SIPA1L1: variants seen among roughly 807,000 people sequenced by gnomAD.
SIPA1L1 encodes signal induced proliferation associated 1 like 1, also known as signal-induced proliferation-associated 1-like protein 1.
Under a neutral mutation model 162.7 loss-of-function variants are expected in SIPA1L1, and 26 were observed. That is an observed-to-expected ratio of 0.16 (90% CI 0.12 to 0.22). The LOEUF (loss-of-function observed/expected upper bound fraction) is 0.22, where lower values mean the gene tolerates loss of function less well. SIPA1L1 is among the 10% of genes least tolerant of loss of function. SIPA1L1 has a pLI of 1.00. For missense variants in SIPA1L1, 1,874 were observed against 2,241.0 expected (o/e 0.84, Z 3.31); for synonymous variants, 829 against 837.4 (o/e 0.99, Z 0.17).
intron 2 of SIPA1L1, among the ~76,000 whole-genome samples, chr14:71,325,191 A>C (rs2033647771): frequency 6.6e-6 from 1 of 152,090 alleles, no homozygotes; most frequent in Non-Finnish European, 1.5e-5. Context: ...CTGCACTTCT[A>C]CTTTTTTGGT....
intron 2 of SIPA1L1, among the ~76,000 whole-genome samples, chr14:71,393,622 AC>A (rs538920143): frequency 6.1e-4 from 93 of 152,260 alleles, no homozygotes; most frequent in Middle Eastern, 3.4e-3. Context: ...AGCTTGGGCA[AC>A]ATAGCAAAAC....
chr14:71,510,464 A>C (rs1257115624), intron 2 of SIPA1L1, among the ~76,000 whole-genome samples: 2 of 152,166 alleles, frequency 1.3e-5, no homozygotes, highest in Non-Finnish European at 2.9e-5. Context: ...CTGGGATTAC[A>C]GGTGCGAGCC....
intron 2 of SIPA1L1, among the ~76,000 whole-genome samples, chr14:71,399,501 C>T (rs753407116): frequency 1.4e-4 from 22 of 151,964 alleles, no homozygotes; most frequent in Non-Finnish European, 2.2e-4. Flanking sequence ...AACCCCTGGG[C>T]TTAAGCAATC....
chr14:71,455,536 C>G (rs570620574), intron 2 of SIPA1L1, among the ~76,000 whole-genome samples: 1 of 152,124 alleles, frequency 6.6e-6, no homozygotes, highest in African/African-American at 2.4e-5. Flanking sequence ...AGGTTATGGT[C>G]TTTTGGTAAT....
intron 2 of SIPA1L1, among the ~76,000 whole-genome samples, chr14:71,359,534 G>T (rs574072197): frequency 9.3e-4 from 141 of 152,160 alleles, no homozygotes; most frequent in African/African-American, 3.2e-3. Context: ...ATATCCCCAG[G>T]ATGAAAAATA....
At chr14:71,402,065 C>T (rs933009865) in intron 2 of SIPA1L1, among the ~76,000 whole-genome samples, 2 of 151,802 alleles carry the variant, frequency 1.3e-5, no homozygotes, top group African/African-American at 2.4e-5. Flanking sequence ...CTGCATGTCC[C>T]GTTATTAAGT....
chr14:71,559,100 T>A (rs1008588149), intron 4 of SIPA1L1, among the ~76,000 whole-genome samples: 34 of 150,638 alleles, frequency 2.3e-4, no homozygotes, highest in Non-Finnish European at 4.4e-5. Flanking sequence ...GGAGTCACAC[T>A]CTTATCTCCC....
chr14:71,428,357 C>G (rs1038870986), intron 2 of SIPA1L1, among the ~76,000 whole-genome samples: 2 of 151,512 alleles, frequency 1.3e-5, no homozygotes, highest in African/African-American at 4.9e-5. Flanking sequence ...CTCCCCCTTC[C>G]TTATGATTTG....
intron 12 of SIPA1L1, among the ~76,000 whole-genome samples, chr14:71,683,814 A>G (rs866775599): frequency 6.6e-6 from 1 of 152,254 alleles, no homozygotes; most frequent in Admixed American, 6.5e-5. Context: ...ACTGCAGACC[A>G]TAACTCTCAA....
intron 2 of SIPA1L1, among the ~76,000 whole-genome samples, chr14:71,381,628 T>G (rs1231838899): frequency 6.6e-6 from 1 of 152,202 alleles, no homozygotes; most frequent in East Asian, 1.9e-4. Flanking sequence ...GAATTCCCTT[T>G]CCTTATGATC....
intron 4 of SIPA1L1, among the ~76,000 whole-genome samples, chr14:71,585,289 G>A (rs777666158): frequency 7.2e-5 from 11 of 152,010 alleles, no homozygotes; most frequent in East Asian, 1.9e-4. Context: ...CCATTAAAAC[G>A]TGGCTTCTCT....
intron 4 of SIPA1L1, among the ~76,000 whole-genome samples, chr14:71,555,659 A>G (rs1336489388): frequency 6.6e-6 from 1 of 152,134 alleles, no homozygotes; most frequent in Admixed American, 6.6e-5. Flanking sequence ...TGTCTTCCTC[A>G]CTAAGCTTAA....
intron 10 of SIPA1L1, among the ~76,000 whole-genome samples, chr14:71,669,777 A>G (rs1446378626): frequency 6.6e-6 from 1 of 152,208 alleles, no homozygotes; most frequent in Admixed American, 6.5e-5. Flanking sequence ...TTAAAAATAC[A>G]CTTGTAAAAC....
At chr14:71,434,505 G>A (rs1468434970) in intron 2 of SIPA1L1, among the ~76,000 whole-genome samples, 2 of 152,180 alleles carry the variant, frequency 1.3e-5, no homozygotes, top group Non-Finnish European at 2.9e-5. Context: ...GATTTCACCT[G>A]TTTTTCTGTT....
intron 4 of SIPA1L1, among the ~76,000 whole-genome samples, chr14:71,553,835 A>G (rs938391773): frequency 2.6e-5 from 4 of 152,130 alleles, no homozygotes; most frequent in African/African-American, 9.7e-5. Flanking sequence ...TGATTGATTC[A>G]TTGAATAAAT....
chr14:71,526,736 A>T (rs1038087492), intron 3 of SIPA1L1, among the ~76,000 whole-genome samples: 2 of 152,204 alleles, frequency 1.3e-5, no homozygotes, highest in African/African-American at 4.8e-5. Flanking sequence ...GGAGAAAAAA[A>T]AAATCCTGAT....
Position 71,562,402 on chromosome 14 carries a change from G to A in SIPA1L1, c.-302-25169G>A, listed in dbSNP as rs563238045. Among the ~76,000 whole-genome samples, 319 of 152,156 alleles carry A rather than the reference G, an allele frequency of 2.1e-3. 5 individuals are homozygous for A. Among genetic ancestry groups the A allele is most frequent in the Non-Finnish European group, 2.1e-3 (146 of 67,988 alleles). On this transcript the variant is annotated intron_variant, in intron 4 of 23. Coordinates refer to ENST00000381232, the MANE Select transcript of SIPA1L1 (RefSeq NM_001386936.1). ...TTTTATTATTAAATGCTTACTTTGT[G>A]TCTGTTAAATGATTTTTACACTTTT...
chr14:71,706,762 G>A (rs1035016983), intron 16 of SIPA1L1, among the ~76,000 whole-genome samples: 5 of 152,138 alleles, frequency 3.3e-5, no homozygotes, highest in Admixed American at 6.6e-5. Flanking sequence ...GGCTGGGTAC[G>A]GTGGCTCACA....
intron 15 of SIPA1L1, 115 bp from the exon 16 acceptor site, chr14:71,705,107 T>A (rs1272073213): frequency 1.3e-6 from 1 of 758,548 alleles, no homozygotes; most frequent in African/African-American, 1.7e-5. Context: ...ACTGCTGAAA[T>A]GCAGAGTTTG....
Sources: gnomAD v4.1 joint callset for allele counts (sites outside exome capture counted in the v4.1 genomes callset) on GRCh38, gnomAD v4.1.1 for gene constraint, MANE v1.5 for transcripts, NCBI Gene and HGNC (gene_info 2026-07-23, HGNC 2026-07-21) for gene names.